Variants in UBE2H observed in about 807,000 individuals in gnomAD.
UBE2H encodes the protein ubiquitin-conjugating enzyme E2 H.
Under a neutral mutation model 29.0 loss-of-function variants are expected in UBE2H, and 3 were observed. That is an observed-to-expected ratio of 0.10 (90% CI 0.05 to 0.27). The LOEUF is 0.27. Ranked by LOEUF, UBE2H falls within the 10% of genes least tolerant of loss-of-function variation. UBE2H has a pLI of 1.00. For synonymous variants in UBE2H, 69 were observed against 82.9 expected (o/e 0.83, Z 0.91); for missense variants, 68 against 228.2 (o/e 0.30, Z 4.52).
In UBE2H at chr7:129,873,609, A is replaced by AT. The variant is rs758145127; in HGVS notation, c.205+5958dup. Among the ~76,000 whole-genome samples, 490 of 140,800 alleles carry AT rather than the reference A, an allele frequency of 3.5e-3. 2 individuals are homozygous for AT. Among genetic ancestry groups the AT allele is most frequent in the Non-Finnish European group, 5.4e-3 (344 of 64,176 alleles). 92.4% of individuals were successfully genotyped at this position (140,800 alleles called of 152,430 possible). ...ACCACCATGCCCAGCTAATTTTTGT[A>AT]TTTTTTTTTTTAGAGATGGGGTTTC... is the stretch of plus-strand genomic sequence containing the variant. On this transcript the variant is annotated intron_variant, in intron 3 of 6. Coordinates refer to ENST00000355621, the MANE Select transcript of UBE2H (RefSeq NM_003344.4).
intron 1 of UBE2H, among the ~76,000 whole-genome samples, chr7:129,909,952 G>C (rs760641766): frequency 6.6e-6 from 1 of 152,072 alleles, no homozygotes; most frequent in African/African-American, 2.4e-5. Flanking sequence ...CAGAAGACAC[G>C]AAAAGGGTTG....
chr7:129,885,468 C>G (rs1214841413), intron 1 of UBE2H, among the ~76,000 whole-genome samples: 1 of 152,120 alleles, frequency 6.6e-6, no homozygotes, highest in African/African-American at 2.4e-5. Context: ...CTATCCTTTA[C>G]CTGGATGCGA....
intron 1 of UBE2H, among the ~76,000 whole-genome samples, chr7:129,898,203 G>C (rs1354943146): frequency 6.6e-6 from 1 of 152,134 alleles, no homozygotes. Context: ...CAACAAGAGT[G>C]GTAGAGCTAT....
chr7:129,926,310 G>C (rs1431624390), intron 1 of UBE2H, among the ~76,000 whole-genome samples: 1 of 151,794 alleles, frequency 6.6e-6, no homozygotes, highest in East Asian at 2.0e-4. Context: ...AGGAGTTCGA[G>C]ACCAGCCTGA....
At chr7:129,908,716 A>G (rs559536003) in intron 1 of UBE2H, among the ~76,000 whole-genome samples, 1 of 152,358 alleles carries the variant, frequency 6.6e-6, no homozygotes, top group Non-Finnish European at 1.5e-5. Context: ...ATAATTGTTT[A>G]AACACAAATG....
chr7:129,887,030 C>T (rs999804839), intron 1 of UBE2H, among the ~76,000 whole-genome samples: 2 of 152,060 alleles, frequency 1.3e-5, no homozygotes, highest in Admixed American at 6.6e-5. Flanking sequence ...CCCAGCGGCA[C>T]ATGATTTGTT....
At chr7:129,919,655 G>A (rs958049386) in intron 1 of UBE2H, among the ~76,000 whole-genome samples, 8 of 152,156 alleles carry the variant, frequency 5.3e-5, no homozygotes, top group African/African-American at 1.7e-4. Flanking sequence ...TCCCTAGGCA[G>A]GCTGCACATT....
rs1805751904 is a variant in UBE2H, at chr7:129,858,832, T to C, written c.245+70A>G. 6.2e-6 allele frequency: 9 copies of C among 1,459,178 alleles called. No homozygotes were observed. The East Asian group carries it at 1.4e-4, about 22-fold the overall frequency. The allele number at this position is 1,459,178 out of a possible 1,614,324, so 90.4% of individuals were successfully genotyped here. ...GTCCAAAAAGATAACCGAGGCTTTTTATAACACAGAGAAACACTAATCATG... is the reference window on the plus strand; with the variant it reads ...GTCCAAAAAGATAACCGAGGCTTTTCATAACACAGAGAAACACTAATCATG... On this transcript the variant is annotated intron_variant, in intron 4 of 6. Coordinates refer to ENST00000355621, the MANE Select transcript of UBE2H (RefSeq NM_003344.4).
chr7:129,879,099 G>A (rs1399735323), intron 3 of UBE2H, among the ~76,000 whole-genome samples: 1 of 152,184 alleles, frequency 6.6e-6, no homozygotes, highest in Non-Finnish European at 1.5e-5. Context: ...AAAGAGACTG[G>A]AGGTGGGAAG....
intron 1 of UBE2H, among the ~76,000 whole-genome samples, chr7:129,944,737 C>CACAT (rs1807723423): frequency 6.8e-6 from 1 of 147,086 alleles, no homozygotes; most frequent in Admixed American, 6.8e-5. Context: ...CACACACACA[C>CACAT]ACACACACAC....
intron 3 of UBE2H, among the ~76,000 whole-genome samples, chr7:129,878,811 A>G (rs1806198932): frequency 6.6e-6 from 1 of 151,904 alleles, no homozygotes; most frequent in Non-Finnish European, 1.5e-5. Flanking sequence ...GTTCTTACTT[A>G]AAATTGTTCA....
At position 129,857,531 on chromosome 7, in the gene UBE2H, T is replaced by A; in HGVS notation, c.278A>T (p.Gln93Leu). The stretch of plus-strand genomic sequence containing the variant: ...CTCACCATAGAGAGCTGTCCAAGTT[T>A]GATTAATTACATCTAGACACACAGT... ...SGTVCLDVIN[Q>L]TWTALYDLTN... Residue 93 changes from glutamine (Q) to leucine (L), a missense_variant, in exon 5 of 7, where the codon CAA becomes CTA. Around this residue, in one of 3 missense-constraint regions of UBE2H, gnomAD observed 40 missense variants for 174.1 expected, o/e 0.23. Transcript: ENST00000355621. The A allele has an allele frequency of 6.2e-7, 1 of 1,612,824 alleles. No homozygotes were observed. Among genetic ancestry groups the A allele is most frequent in the Non-Finnish European group, 8.5e-7 (1 of 1,179,450 alleles).
intron 1 of UBE2H, among the ~76,000 whole-genome samples, chr7:129,896,091 A>G (rs1806594403): frequency 6.6e-6 from 1 of 151,954 alleles, no homozygotes. Flanking sequence ...TAATCCCAGC[A>G]CTTCGGGATT....
At position 129,906,989 on chromosome 7, in the gene UBE2H, G is replaced by A. The variant is rs527809945; in HGVS notation, c.54-26018C>T. On this transcript the variant is annotated intron_variant, in intron 1 of 6. Coordinates refer to ENST00000355621, the MANE Select transcript of UBE2H (RefSeq NM_003344.4). ...AGACATTACTACACATCTATGCTCT[G>A]GGACAGACCAAACCTTCAGTCTCTA... is the stretch of plus-strand genomic sequence containing the variant. Among the ~76,000 whole-genome samples, 104 of 152,274 alleles carry A rather than the reference G, an allele frequency of 6.8e-4. 4 individuals carry two copies. The South Asian group carries it at 0.022, about 32-fold the overall frequency.
intron 1 of UBE2H, among the ~76,000 whole-genome samples, chr7:129,892,993 C>T (rs1806527703): frequency 6.6e-6 from 1 of 152,140 alleles, no homozygotes; most frequent in South Asian, 2.1e-4. Flanking sequence ...TAAAAATAGC[C>T]ATTTCAAAAT....
intron 6 of UBE2H, among the ~76,000 whole-genome samples, chr7:129,836,466 G>A (rs868274308): frequency 1.3e-5 from 2 of 152,326 alleles, no homozygotes; most frequent in East Asian, 1.9e-4. Flanking sequence ...AAAAACGGCC[G>A]AGGCAGTCCC....
At chr7:129,930,903 G>A (rs1475500018) in intron 1 of UBE2H, among the ~76,000 whole-genome samples, 3 of 64,432 alleles carry the variant, frequency 4.7e-5, no homozygotes, top group South Asian at 6.4e-4. Flanking sequence ...GCGAGACCCC[G>A]TCTCACAAAA....
intron 1 of UBE2H, among the ~76,000 whole-genome samples, chr7:129,894,271 T>A (rs186520445): frequency 1.3e-5 from 2 of 152,210 alleles, no homozygotes; most frequent in Non-Finnish European, 1.5e-5. Context: ...TTGGGCAATA[T>A]GGTGAAACAC....
At chr7:129,838,236 C>T (rs760649568) in intron 6 of UBE2H, among the ~76,000 whole-genome samples, 2 of 152,132 alleles carry the variant, frequency 1.3e-5, no homozygotes, top group African/African-American at 2.4e-5. Context: ...CCAAACAATA[C>T]CCTATAGAGA....
Sources: gnomAD v4.1 joint callset for allele counts (sites outside exome capture counted in the v4.1 genomes callset) on GRCh38, gnomAD v4.1.1 for gene constraint, gnomAD v4.1.1 regional missense constraint, MANE v1.5 for transcripts, NCBI Gene and HGNC (gene_info 2026-07-23, HGNC 2026-07-21) for gene names.